MAN2A1: variants seen among roughly 807,000 people sequenced by gnomAD.
MAN2A1 encodes the protein alpha-mannosidase 2.
A neutral mutation model predicts 142.6 loss-of-function variants in MAN2A1; 76 were observed. The observed-to-expected ratio is 0.53, with a 90% CI of 0.44 to 0.65. The LOEUF (loss-of-function observed/expected upper bound fraction) is 0.65, where lower values mean the gene tolerates loss of function less well. Ranked by LOEUF, MAN2A1 falls within the 30% of genes least tolerant of loss-of-function variation. The probability of loss-of-function intolerance (pLI) is 0.00; values close to 1 mark genes in which losing one functional copy is unlikely to be tolerated. For missense variants in MAN2A1, 1,311 were observed against 1,365.1 expected (o/e 0.96, Z 0.62); for synonymous variants, 559 against 473.2 (o/e 1.18, Z -2.35).
At chr5:109,862,061 A>G (rs1363139459) in intron 20 of MAN2A1, among the ~76,000 whole-genome samples, 1 of 152,242 alleles carries the variant, frequency 6.6e-6, no homozygotes, top group Non-Finnish European at 1.5e-5. Context: ...TGTACAGGAT[A>G]TGGCACACAG....
intron 6 of MAN2A1, among the ~76,000 whole-genome samples, chr5:109,768,140 T>TA: frequency 6.6e-6 from 1 of 152,192 alleles, no homozygotes; most frequent in East Asian, 1.9e-4. Flanking sequence ...CCTGTCCTCC[T>TA]AAAACAGCCC....
rs1354603103 is a variant in MAN2A1, at chr5:109,867,603, C to T, written c.*605C>T. 1 of 152,340 alleles carries T rather than the reference C, an allele frequency of 6.6e-6. No individual in the cohort carries two copies. The highest frequency in any genetic ancestry group is 2.4e-5 in the African/African-American group (1 of 41,416). 9.4% of individuals were successfully genotyped at this position (152,340 alleles called of 1,614,324 possible). The stretch of plus-strand genomic sequence containing the variant: ...CCCTTCCTACCCTTTCTAAGTATTT[C>T]CAGAAATACCTGATTTTGAATCATT... On this transcript the variant is annotated 3_prime_UTR_variant, in exon 22 of 22. Transcript: ENST00000261483.
chr5:109,704,834 G>T (rs1215782903), intron 1 of MAN2A1, among the ~76,000 whole-genome samples: 1 of 152,136 alleles, frequency 6.6e-6, no homozygotes, highest in East Asian at 1.9e-4. Context: ...GAATCGCCTG[G>T]TGAGCCATTT....
At chr5:109,860,469 G>C (rs1755727319) in intron 20 of MAN2A1, among the ~76,000 whole-genome samples, 1 of 152,180 alleles carries the variant, frequency 6.6e-6, no homozygotes, top group Non-Finnish European at 1.5e-5. Flanking sequence ...TTTCCCACCA[G>C]ATGTGTAGCC....
intron 12 of MAN2A1, among the ~76,000 whole-genome samples, chr5:109,802,962 T>TA (rs1471824972): frequency 6.6e-6 from 1 of 152,034 alleles, no homozygotes; most frequent in African/African-American, 2.4e-5. Context: ...TAAATATATA[T>TA]TTTTACTGTC....
chr5:109,862,061 A>T (rs1363139459), intron 20 of MAN2A1, among the ~76,000 whole-genome samples: 1 of 152,242 alleles, frequency 6.6e-6, no homozygotes, highest in African/African-American at 2.4e-5. Context: ...TGTACAGGAT[A>T]TGGCACACAG....
At chr5:109,712,566 G>A (rs1561473261) in intron 1 of MAN2A1, among the ~76,000 whole-genome samples, 1 of 151,778 alleles carries the variant, frequency 6.6e-6, no homozygotes, top group African/African-American at 2.4e-5. Context: ...GTTATTTCCT[G>A]GTAATGAGTA....
At position 109,789,173 on chromosome 5, in the gene MAN2A1, G is replaced by T. The variant is rs1187880061; in HGVS notation, c.1875+125G>T. ...ATAATTTTTTGTACATTATTTGAAA[G>T]AATTTTTATCACTTAATATAAATTA... is the stretch of plus-strand genomic sequence containing the variant. On this transcript the variant is annotated intron_variant, in intron 11 of 21. Transcript: ENST00000261483. 15 of 554,502 alleles carry T rather than the reference G, an allele frequency of 2.7e-5. No individual in the cohort carries two copies. In the East Asian group the frequency reaches 3.4e-4, roughly 12 times the overall value. The allele number at this position is 554,502 out of a possible 1,614,324, so 34.3% of individuals were successfully genotyped here.
chr5:109,809,197 T>C (rs879408830), intron 12 of MAN2A1, among the ~76,000 whole-genome samples: 1 of 152,208 alleles, frequency 6.6e-6, no homozygotes, highest in Non-Finnish European at 1.5e-5. Flanking sequence ...TATTTTTCTC[T>C]TCTTTCTTGC....
intron 20 of MAN2A1, chr5:109,862,468 G>C (rs930830787): frequency 1.3e-5 from 2 of 152,132 alleles, no homozygotes; most frequent in Non-Finnish European, 2.9e-5. Flanking sequence ...GTTTTACAAA[G>C]ATAGTTACCT....
intron 16 of MAN2A1, among the ~76,000 whole-genome samples, chr5:109,831,221 C>T (rs1172801972): frequency 6.6e-6 from 1 of 152,126 alleles, no homozygotes; most frequent in Non-Finnish European, 1.5e-5. Context: ...GGAGTATTCA[C>T]CGAGTAAATA....
chr5:109,746,227 G>T (rs1752400673), intron 4 of MAN2A1, among the ~76,000 whole-genome samples: 1 of 152,148 alleles, frequency 6.6e-6, no homozygotes, highest in Admixed American at 6.6e-5. Flanking sequence ...TGGCAGCCTT[G>T]GCTTCCCAAA....
intron 5 of MAN2A1, among the ~76,000 whole-genome samples, chr5:109,763,746 T>C (rs1239260329): frequency 6.6e-6 from 1 of 152,074 alleles, no homozygotes; most frequent in East Asian, 1.9e-4. Flanking sequence ...TTTTAGTTGT[T>C]TAATCTTTGG....
At chr5:109,717,646 G>A (rs1325451875) in intron 3 of MAN2A1, among the ~76,000 whole-genome samples, 1 of 151,998 alleles carries the variant, frequency 6.6e-6, no homozygotes, top group Non-Finnish European at 1.5e-5. Flanking sequence ...TCAAAACTCA[G>A]GGAAGGCTGG....
chr5:109,760,098 A>T (rs1181810647), intron 5 of MAN2A1, among the ~76,000 whole-genome samples: 1 of 152,054 alleles, frequency 6.6e-6, no homozygotes, highest in East Asian at 1.9e-4. Context: ...TCAACCTGTC[A>T]TCTATGTTAG....
chr5:109,795,410 A>G (rs569351950), intron 12 of MAN2A1, among the ~76,000 whole-genome samples: 4 of 152,244 alleles, frequency 2.6e-5, no homozygotes, highest in African/African-American at 7.2e-5. Context: ...AATAGTTGAC[A>G]CTTCCAGTTT....
At chr5:109,728,003 C>T (rs769881758) in intron 3 of MAN2A1, among the ~76,000 whole-genome samples, 10 of 152,086 alleles carry the variant, frequency 6.6e-5, no homozygotes, top group Non-Finnish European at 1.2e-4. Flanking sequence ...TTCTTTGGTA[C>T]CAAATCAGGT....
chr5:109,769,526 T>A (rs1753083713), intron 6 of MAN2A1, among the ~76,000 whole-genome samples: 1 of 152,174 alleles, frequency 6.6e-6, no homozygotes, highest in Non-Finnish European at 1.5e-5. Flanking sequence ...CTCAGGATCA[T>A]ATTCGCAAAG....
chr5:109,706,383 A>G (rs1405075063), intron 1 of MAN2A1, among the ~76,000 whole-genome samples: 3 of 152,238 alleles, frequency 2.0e-5, no homozygotes, highest in Admixed American at 6.5e-5. Flanking sequence ...AGCAGCTGCA[A>G]TAATACTTTC....
Sources: gnomAD v4.1 joint callset for allele counts (sites outside exome capture counted in the v4.1 genomes callset) on GRCh38, gnomAD v4.1.1 for gene constraint, MANE v1.5 for transcripts, NCBI Gene and HGNC (gene_info 2026-07-23, HGNC 2026-07-21) for gene names.